The following GRM7 variants were observed in gnomAD, a reference collection of about 807,000 sequenced individuals.
GRM7 encodes glutamate metabotropic receptor 7, also known as metabotropic glutamate receptor 7.
GRM7 carries 35 observed loss-of-function variants against 84.5 expected under a neutral mutation model. The ratio of observed to expected loss-of-function variants is 0.41; its 90% CI spans 0.32 to 0.55. GRM7 has a LOEUF of 0.55. Ranked by LOEUF, GRM7 falls within the 20% of genes least tolerant of loss-of-function variation. The pLI, the probability that GRM7 is intolerant of heterozygous loss-of-function variation, is 0.19. For missense variants in GRM7, 1,003 were observed against 1,194.6 expected, an observed-to-expected ratio of 0.84 and a Z score of 2.36; for synonymous variants, 487 against 455.1, an observed-to-expected ratio of 1.07 and a Z score of -0.89.
At chr3:7,454,162 G>A (rs71623049) in intron 6 of GRM7, among the ~76,000 whole-genome samples, 54,139 of 148,280 alleles carry the variant, frequency 0.37, 11,067 homozygotes, top group Non-Finnish European at 0.48. Flanking sequence ...AAGTTAATTG[G>A]GATAATATTT....
At chr3:6,888,230 G>A (rs1017080930) in intron 1 of GRM7, among the ~76,000 whole-genome samples, 105 of 152,122 alleles carry the variant, frequency 6.9e-4, no homozygotes, top group Middle Eastern at 3.4e-3. Flanking sequence ...AAGCTCTTTA[G>A]TTTAATTAGA....
At chr3:6,895,138 G>C (rs1696128584) in intron 1 of GRM7, among the ~76,000 whole-genome samples, 1 of 152,194 alleles carries the variant, frequency 6.6e-6, no homozygotes, top group Non-Finnish European at 1.5e-5. Context: ...CACAGCAGGA[G>C]ACAGGACGAT....
chr3:7,198,609 T>C (rs1575020946), intron 2 of GRM7, among the ~76,000 whole-genome samples: 1 of 152,186 alleles, frequency 6.6e-6, no homozygotes, highest in Non-Finnish European at 1.5e-5. Context: ...TTAAACATGC[T>C]CAGAACACTT....
intron 2 of GRM7, among the ~76,000 whole-genome samples, chr3:7,154,611 T>C (rs1694389818): frequency 6.6e-6 from 1 of 152,096 alleles, no homozygotes; most frequent in Non-Finnish European, 1.5e-5. Flanking sequence ...GCAGAGAGGT[T>C]AAAGATGCAG....
At chr3:7,461,494 G>C in intron 6 of GRM7, 89 bp from the exon 7 acceptor site, 2 of 1,109,526 alleles carry the variant, frequency 1.8e-6, no homozygotes, top group Non-Finnish European at 2.7e-6. Context: ...CTTTCTCCTC[G>C]TTAAGTCTCT....
chr3:6,878,984 G>A (rs182341704), intron 1 of GRM7, among the ~76,000 whole-genome samples: 1 of 152,284 alleles, frequency 6.6e-6, no homozygotes. Context: ...TATAGGATGT[G>A]TGTTTCATGA....
intron 8 of GRM7, among the ~76,000 whole-genome samples, chr3:7,598,918 C>T (rs909991383): frequency 1.3e-5 from 2 of 152,160 alleles, no homozygotes; most frequent in African/African-American, 4.8e-5. Context: ...ATAAAGATAT[C>T]TTGATATCTA....
At chr3:7,329,352 C>T (rs1444888154) in intron 4 of GRM7, among the ~76,000 whole-genome samples, 1 of 152,158 alleles carries the variant, frequency 6.6e-6, no homozygotes, top group Non-Finnish European at 1.5e-5. Flanking sequence ...ATTGGTTCAC[C>T]CTTCCACCCA....
intron 4 of GRM7, among the ~76,000 whole-genome samples, chr3:7,389,922 G>T (rs770807714): frequency 6.6e-6 from 1 of 152,002 alleles, no homozygotes; most frequent in Admixed American, 6.6e-5. Flanking sequence ...TTGATCATGT[G>T]GTTACTTTTC....
intron 2 of GRM7, among the ~76,000 whole-genome samples, chr3:7,248,197 G>A (rs766139845): frequency 1.4e-4 from 21 of 152,116 alleles, no homozygotes; most frequent in Non-Finnish European, 2.4e-4. Context: ...TTATTATAGC[G>A]CAAACTAGAA....
At chr3:7,377,440 G>A (rs73809085) in intron 4 of GRM7, among the ~76,000 whole-genome samples, 8,952 of 152,230 alleles carry the variant, frequency 0.059, 326 homozygotes, top group Admixed American at 0.092. Context: ...CTTCTAAACT[G>A]CTTAAGACAG....
At chr3:7,216,631 C>T (rs187624200) in intron 2 of GRM7, among the ~76,000 whole-genome samples, 7 of 152,164 alleles carry the variant, frequency 4.6e-5, no homozygotes, top group Admixed American at 2.0e-4. Flanking sequence ...GTACTGCCAC[C>T]CTCACTCTCC....
intron 8 of GRM7, among the ~76,000 whole-genome samples, chr3:7,655,875 T>C (rs1020781609): frequency 1.3e-5 from 2 of 152,196 alleles, no homozygotes; most frequent in African/African-American, 4.8e-5. Context: ...AATAAATGCA[T>C]CCATTTTCAT....
chr3:7,475,445 A>G (rs1698883322), intron 7 of GRM7, among the ~76,000 whole-genome samples: 2 of 152,184 alleles, frequency 1.3e-5, no homozygotes, highest in African/African-American at 2.4e-5. Flanking sequence ...ATTCGTGTGC[A>G]TATTTCCTGA....
chr3:7,024,649 T>C (rs1231295070), intron 1 of GRM7, among the ~76,000 whole-genome samples: 1 of 152,172 alleles, frequency 6.6e-6, no homozygotes, highest in Non-Finnish European at 1.5e-5. Flanking sequence ...AATCGCAGTC[T>C]AGTGTAGCTA....
At chr3:7,562,513 G>A (rs1161364376) in intron 7 of GRM7, among the ~76,000 whole-genome samples, 1 of 151,998 alleles carries the variant, frequency 6.6e-6, no homozygotes, top group East Asian at 1.9e-4. Flanking sequence ...GAGAGCGTTT[G>A]CAACCCAGTT....
At chr3:7,232,235 C>T (rs568273859) in intron 2 of GRM7, among the ~76,000 whole-genome samples, 8 of 151,392 alleles carry the variant, frequency 5.3e-5, no homozygotes, top group African/African-American at 1.7e-4. Flanking sequence ...CATTTTTTTG[C>T]TCACTCAGAT....
chr3:6,959,269 C>T (rs1479507264), intron 1 of GRM7, among the ~76,000 whole-genome samples: 1 of 152,088 alleles, frequency 6.6e-6, no homozygotes, highest in Non-Finnish European at 1.5e-5. Context: ...ATGACTCTAG[C>T]CTGCCTACTC....
chr3:6,919,776 T>C (rs1697062727), intron 1 of GRM7, among the ~76,000 whole-genome samples: 1 of 152,180 alleles, frequency 6.6e-6, no homozygotes, highest in Admixed American at 6.6e-5. Context: ...TATTTAATTT[T>C]TGATATTATA....
Sources: allele counts gnomAD v4.1 joint callset (sites outside exome capture counted in the v4.1 genomes callset), GRCh38; gene constraint gnomAD v4.1.1; transcripts MANE v1.5; gene names NCBI Gene and HGNC (gene_info 2026-07-23, HGNC 2026-07-21).